COPS3: variants seen among roughly 807,000 people sequenced by gnomAD.
COPS3 encodes the protein COP9 signalosome complex subunit 3.
A neutral mutation model predicts 58.2 loss-of-function variants in COPS3; 10 were observed. The ratio of observed to expected loss-of-function variants is 0.17; its 90% confidence interval spans 0.11 to 0.29. COPS3 has a LOEUF of 0.29. Among genes scored for constraint, COPS3 ranks in the 10% least tolerant of loss-of-function variants. The pLI is 1.00. For synonymous variants in COPS3, 187 were observed against 181.7 expected (o/e 1.03, Z -0.24); for missense variants, 333 against 510.1 (o/e 0.65, Z 3.34).
At chr17:17,262,964 C>T (rs1379002548) in intron 6 of COPS3, among the ~76,000 whole-genome samples, 2 of 151,080 alleles carry the variant, frequency 1.3e-5, no homozygotes, top group South Asian at 2.1e-4. Context: ...GGCGCAATCC[C>T]GGCTCACTGC....
intron 8 of COPS3, among the ~76,000 whole-genome samples, chr17:17,256,828 G>GT (rs1204565122): frequency 6.6e-6 from 1 of 152,032 alleles, no homozygotes; most frequent in East Asian, 1.9e-4. Flanking sequence ...TGGTTTCAAC[G>GT]TATCTTCCTG....
At chr17:17,254,299 C>A in intron 9 of COPS3, among the ~76,000 whole-genome samples, 1 of 147,824 alleles carries the variant, frequency 6.8e-6, no homozygotes, top group African/African-American at 2.5e-5. Context: ...CAAGATGAAG[C>A]CATCTCAAAA....
chr17:17,263,989 A>G (rs2048167933), intron 6 of COPS3, among the ~76,000 whole-genome samples: 1 of 152,178 alleles, frequency 6.6e-6, no homozygotes, highest in South Asian at 2.1e-4. Context: ...TAACCTGACT[A>G]GACACGTGCT....
intron 9 of COPS3, among the ~76,000 whole-genome samples, chr17:17,250,967 T>C (rs916789496): frequency 6.6e-6 from 1 of 152,162 alleles, no homozygotes; most frequent in Non-Finnish European, 1.5e-5. Context: ...TAACCAGAAC[T>C]GGAAACAACC....
intron 9 of COPS3, among the ~76,000 whole-genome samples, chr17:17,250,075 C>T (rs1357346974): frequency 6.6e-6 from 1 of 152,146 alleles, no homozygotes; most frequent in African/African-American, 2.4e-5. Flanking sequence ...CCTCCTTCTC[C>T]TCCCAGCCCC....
chr17:17,264,734 A>C, intron 6 of COPS3, 68 bp downstream of exon 6: 1 of 1,407,142 alleles, frequency 7.1e-7, no homozygotes. Flanking sequence ...TCTAGCCACA[A>C]ACCTATGGGA....
At chr17:17,248,886 C>T (rs1265203869) in intron 10 of COPS3, 40 bp downstream of exon 10, 1 of 1,254,980 alleles carries the variant, frequency 8.0e-7, no homozygotes, top group Admixed American at 2.2e-5. Flanking sequence ...TACATCTCAA[C>T]CATCAATTAA....
intron 7 of COPS3, 156 bp from the exon 8 acceptor site, chr17:17,260,630 C>A (rs2048072962): frequency 1.7e-6 from 1 of 580,160 alleles, no homozygotes; most frequent in Admixed American, 3.1e-5. Context: ...ATGAAGAAAC[C>A]CCGTCTCTAC....
intron 5 of COPS3, among the ~76,000 whole-genome samples, chr17:17,266,523 G>T (rs1318629458): frequency 6.6e-6 from 1 of 152,114 alleles, no homozygotes; most frequent in Non-Finnish European, 1.5e-5. Context: ...ATGAGGCCAG[G>T]CACGGTGGTT....
At chr17:17,270,130 C>G (rs2048313294) in intron 4 of COPS3, among the ~76,000 whole-genome samples, 1 of 151,428 alleles carries the variant, frequency 6.6e-6, no homozygotes, top group South Asian at 2.1e-4. Flanking sequence ...GCACTCCAGC[C>G]TAGGCATCAG....
At chr17:17,250,858 C>G (rs994689416) in intron 9 of COPS3, among the ~76,000 whole-genome samples, 2 of 152,192 alleles carry the variant, frequency 1.3e-5, no homozygotes, top group Non-Finnish European at 2.9e-5. Context: ...ATGCATAGTT[C>G]TCTATGTGAT....
intron 7 of COPS3, 193 bp downstream of exon 7, chr17:17,261,773 C>A: frequency 1.9e-6 from 1 of 514,502 alleles, no homozygotes; most frequent in South Asian, 2.5e-5. Flanking sequence ...AGTTTGAAAA[C>A]GGGTTCCTGA....
chr17:17,263,519 T>C (rs1030533981), intron 6 of COPS3, among the ~76,000 whole-genome samples: 1 of 140,234 alleles, frequency 7.1e-6, no homozygotes, highest in Non-Finnish European at 1.6e-5. Context: ...TCTTTTTTTT[T>C]TTTTTTTTTT....
intron 9 of COPS3, among the ~76,000 whole-genome samples, chr17:17,251,843 T>C (rs1458102789): frequency 6.6e-6 from 1 of 151,470 alleles, no homozygotes; most frequent in Non-Finnish European, 1.5e-5. Context: ...CCCAGCACTT[T>C]GGGAGGCCGA....
At chr17:17,258,729 T>A (rs947920176) in intron 8 of COPS3, among the ~76,000 whole-genome samples, 4 of 152,174 alleles carry the variant, frequency 2.6e-5, no homozygotes, top group African/African-American at 9.7e-5. Context: ...CTGCTTGTTA[T>A]TTAAGTCTCT....
intron 2 of COPS3, among the ~76,000 whole-genome samples, chr17:17,275,602 T>C (rs975631883): frequency 1.8e-4 from 27 of 152,320 alleles, no homozygotes; most frequent in Admixed American, 7.2e-4. Flanking sequence ...AGCTCAATGT[T>C]ATTTACAATG....
chr17:17,261,525 T>TATAA, intron 7 of COPS3: 1 of 205,214 alleles, frequency 4.9e-6, no homozygotes, highest in Non-Finnish European at 8.5e-6. Context: ...AAACTCCATT[T>TATAA]CTAAATAAAT....
intron 2 of COPS3, among the ~76,000 whole-genome samples, chr17:17,273,243 C>G (rs1209296666): frequency 6.6e-6 from 1 of 152,172 alleles, no homozygotes; most frequent in Non-Finnish European, 1.5e-5. Context: ...TAGAGTTATG[C>G]TCTGCAGTAT....
At chr17:17,255,879 T>TAAATA (rs2047963216) in intron 8 of COPS3, among the ~76,000 whole-genome samples, 1 of 148,356 alleles carries the variant, frequency 6.7e-6, no homozygotes, top group Admixed American at 6.7e-5. Context: ...AATAAATAAA[T>TAAATA]AACTGATAGG....
Sources: allele counts gnomAD v4.1 joint callset (sites outside exome capture counted in the v4.1 genomes callset), GRCh38; gene constraint gnomAD v4.1.1; transcripts MANE v1.5; gene names NCBI Gene and HGNC (gene_info 2026-07-23, HGNC 2026-07-21).